Variants in BMP2K observed in about 807,000 individuals in gnomAD.
The protein encoded by BMP2K is BMP-2-inducible protein kinase.
A neutral mutation model predicts 116.0 loss-of-function variants in BMP2K; 74 were observed. The ratio of observed to expected loss-of-function variants is 0.64; its 90% CI spans 0.53 to 0.77. The LOEUF (loss-of-function observed/expected upper bound fraction) is 0.77, where lower values mean the gene tolerates loss of function less well. Among genes scored for constraint, BMP2K ranks in the 30% least tolerant of loss-of-function variants. The pLI, the probability that BMP2K is intolerant of heterozygous loss-of-function variation, is 0.00. For synonymous variants in BMP2K, 486 were observed against 502.5 expected (o/e 0.97, Z 0.44); for missense variants, 1,365 against 1,403.6 (o/e 0.97, Z 0.44).
intron 1 of BMP2K, among the ~76,000 whole-genome samples, chr4:78,808,456 G>A (rs1441725485): frequency 1.3e-5 from 2 of 151,724 alleles, no homozygotes; most frequent in Non-Finnish European, 2.9e-5. Flanking sequence ...TACTAGAGAC[G>A]GGGTTTTCAC....
intron 8 of BMP2K, among the ~76,000 whole-genome samples, 182 bp downstream of exon 8, chr4:78,859,869 G>T (rs1731686699): frequency 6.6e-6 from 1 of 151,740 alleles, no homozygotes; most frequent in African/African-American, 2.4e-5. Flanking sequence ...CCCAAACTAT[G>T]CACTGAGATA....
Position 78,911,745 on chromosome 4 carries a change from G to C in BMP2K, c.3198G>C (p.Leu1066Phe). The C allele has an allele frequency of 6.2e-7, 1 of 1,613,936 alleles. No individual in the cohort carries two copies. The highest frequency in any genetic ancestry group is 8.5e-7 in the Non-Finnish European group (1 of 1,179,880). Residue 1066 changes from leucine (L) to phenylalanine (F), a missense_variant, in exon 16 of 16, where the codon TTG (leucine) becomes TTC (phenylalanine). Leu to Phe is a conservative substitution (Grantham distance 22, BLOSUM62 0). This residue lies in a region of BMP2K where 596 missense variants were observed against 623.2 expected (regional missense o/e 0.96). Transcript: ENST00000502613. Reference sequence around the variant, plus strand: ...TCTTACAACCTGAGGAGAGCCTGTTGGACCCCTTCGGTGCCAAGCCCTTCC... The same window carrying C: ...TCTTACAACCTGAGGAGAGCCTGTTCGACCCCTTCGGTGCCAAGCCCTTCC... ...GNVLQPEESL[L>F]DPFGAKPFHS...
rs1462841809 is a variant in BMP2K, at chr4:78,857,337, G to T, written c.884-2247G>T. ...TGACCCAGGGGAATTGGAGGTCCTT[G>T]TGTTTGCTTATAAGATAATATCAGT... On this transcript the variant is annotated intron_variant, in intron 7 of 15. Coordinates refer to ENST00000502613, the MANE Select transcript of BMP2K (RefSeq NM_198892.2). Among the ~76,000 whole-genome samples, 9 of 152,162 alleles carry T rather than the reference G, an allele frequency of 5.9e-5. No individual in the cohort carries two copies. The East Asian group carries it at 1.4e-3, about 23-fold the overall frequency.
intron 6 of BMP2K, among the ~76,000 whole-genome samples, chr4:78,848,010 T>A (rs948297561): frequency 2.6e-5 from 4 of 151,654 alleles, no homozygotes; most frequent in Admixed American, 1.3e-4. Context: ...TCAGATTTAT[T>A]TTGTTTTGAA....
intron 12 of BMP2K, 91 bp from the exon 13 acceptor site, chr4:78,872,523 T>A: frequency 8.6e-7 from 1 of 1,161,238 alleles, no homozygotes; most frequent in Non-Finnish European, 1.2e-6. Flanking sequence ...TTGTCACCAA[T>A]GTGAAAGGAA....
intron 14 of BMP2K, among the ~76,000 whole-genome samples, chr4:78,880,997 T>A (rs1732859897): frequency 6.6e-6 from 1 of 152,210 alleles, no homozygotes; most frequent in Admixed American, 6.5e-5. Flanking sequence ...AAGTCTGATG[T>A]GCTTAATTTG....
At chr4:78,835,675 A>C (rs1730444112) in intron 3 of BMP2K, among the ~76,000 whole-genome samples, 1 of 151,744 alleles carries the variant, frequency 6.6e-6, no homozygotes, top group Non-Finnish European at 1.5e-5. Flanking sequence ...CTGTGGCTGA[A>C]TCAGTACCCT....
intron 2 of BMP2K, among the ~76,000 whole-genome samples, chr4:78,831,696 T>C (rs956530684): frequency 2.0e-5 from 3 of 152,238 alleles, no homozygotes; most frequent in Non-Finnish European, 2.9e-5. Flanking sequence ...GGAAAACTTA[T>C]TTTTAAGTAT....
intron 15 of BMP2K, 138 bp downstream of exon 15, chr4:78,887,422 A>G: frequency 1.5e-6 from 1 of 668,294 alleles, no homozygotes; most frequent in South Asian, 1.8e-5. Context: ...TAGCCATCCT[A>G]CTCTTCTTAA....
At chr4:78,820,867 C>G (rs1479803945) in intron 1 of BMP2K, 1 of 153,460 alleles carries the variant, frequency 6.5e-6, no homozygotes, top group South Asian at 2.0e-4. Flanking sequence ...CCACCATACC[C>G]GGCCTGGACT....
At chr4:78,864,548 T>A (rs1471268544) in intron 9 of BMP2K, among the ~76,000 whole-genome samples, 2 of 146,974 alleles carry the variant, frequency 1.4e-5, no homozygotes, top group Admixed American at 1.3e-4. Context: ...ATCTTTTGAT[T>A]CAGTGTCACG....
rs779465739 is a variant in BMP2K at position 78,911,408 on chromosome 4, T to A, written c.2861T>A (p.Phe954Tyr). The A allele has an allele frequency of 6.2e-6, 10 of 1,614,030 alleles. No homozygotes were observed. The East Asian group carries it at 2.2e-4, about 36-fold the overall frequency. Residue 954 changes from phenylalanine (F) to tyrosine (Y), a missense_variant, in exon 16 of 16, where the codon TTT becomes TAT. Around this residue, in one of 3 missense-constraint regions of BMP2K, gnomAD observed 596 missense variants for 623.2 expected, o/e 0.96. Coordinates refer to ENST00000502613, the MANE Select transcript of BMP2K (RefSeq NM_198892.2). ...AAAAGTGAAAGCAATGAGGACCTTT[T>A]TGGGCTTGTGCCCTTTGATGAAATA... ...TSKSESNEDL[F>Y]GLVPFDEITG...
At chr4:78,903,387 A>G (rs988346725) in intron 15 of BMP2K, among the ~76,000 whole-genome samples, 2 of 151,910 alleles carry the variant, frequency 1.3e-5, no homozygotes, top group Non-Finnish European at 2.9e-5. Flanking sequence ...AAGCTTCTTG[A>G]AGTCTGGTAT....
intron 5 of BMP2K, among the ~76,000 whole-genome samples, chr4:78,846,103 G>A (rs1730985795): frequency 6.6e-6 from 1 of 151,634 alleles, no homozygotes; most frequent in Non-Finnish European, 1.5e-5. Flanking sequence ...AAGCATCCCT[G>A]ACCTGCTAGA....
At chr4:78,894,646 TGTTTTCCTTTCTTACC>T (rs1733609460) in intron 15 of BMP2K, among the ~76,000 whole-genome samples, 1 of 152,222 alleles carries the variant, frequency 6.6e-6, no homozygotes, top group African/African-American at 2.4e-5. Flanking sequence ...GCAGTAAGGT[TGTTTTCCTTTCTTACC>T]GTTCATCACT....
intron 1 of BMP2K, among the ~76,000 whole-genome samples, chr4:78,804,081 C>T (rs550100098): frequency 2.0e-5 from 3 of 152,192 alleles, no homozygotes; most frequent in East Asian, 3.9e-4. Flanking sequence ...TTCATCAACC[C>T]CCAAAGAAAC....
At chr4:78,847,141 T>C in intron 5 of BMP2K, 47 bp from the exon 6 acceptor site, 1 of 648,440 alleles carries the variant, frequency 1.5e-6, no homozygotes, top group Middle Eastern at 5.4e-4. Context: ...GTCTTTTTTT[T>C]ATATATATAT....
At chr4:78,871,522 G>A (rs1732355931) in intron 11 of BMP2K, among the ~76,000 whole-genome samples, 1 of 152,114 alleles carries the variant, frequency 6.6e-6, no homozygotes, top group African/African-American at 2.4e-5. Context: ...CCACTGAAGG[G>A]GAGATTTAGT....
At chr4:78,872,878 C>G in intron 13 of BMP2K, 80 bp downstream of exon 13, 1 of 1,401,954 alleles carries the variant, frequency 7.1e-7, no homozygotes. Flanking sequence ...ATTAAGTTCT[C>G]TTAAATTAGT....
Sources: gnomAD v4.1 joint callset for allele counts (sites outside exome capture counted in the v4.1 genomes callset) on GRCh38, gnomAD v4.1.1 for gene constraint, gnomAD v4.1.1 regional missense constraint, MANE v1.5 for transcripts, NCBI Gene and HGNC (gene_info 2026-07-23, HGNC 2026-07-21) for gene names.